Variants in NBAS observed in about 807,000 individuals in gnomAD.
NBAS encodes the protein NBAS subunit of NRZ tethering complex.
In NBAS, 219 loss-of-function variants were observed where a neutral mutation model predicts 302.5. That is an observed-to-expected ratio of 0.72 (90% CI 0.65 to 0.81). NBAS has a LOEUF of 0.81. Among genes scored for constraint, NBAS ranks in the 30% least tolerant of loss-of-function variants. NBAS has a pLI of 0.00. For missense variants in NBAS, 2,932 were observed against 2,841.6 expected, an observed-to-expected ratio of 1.03 and a Z score of -0.72; for synonymous variants, 1,118 against 1,021.6, an observed-to-expected ratio of 1.09 and a Z score of -1.80.
At chr2:15,363,694 G>GT (rs1198219944) in intron 32 of NBAS, among the ~76,000 whole-genome samples, 2 of 152,124 alleles carry the variant, frequency 1.3e-5, no homozygotes, top group Admixed American at 6.5e-5. Context: ...CATAAAATGA[G>GT]TATTATTATT....
intron 41 of NBAS, among the ~76,000 whole-genome samples, chr2:15,288,993 C>T (rs1412160493): frequency 1.3e-5 from 2 of 152,192 alleles, no homozygotes; most frequent in African/African-American, 2.4e-5. Flanking sequence ...ATTCTTTGTT[C>T]ATGGGCTATA....
the NBAS span, among the ~76,000 whole-genome samples, chr2:14,984,631 C>A: frequency 6.6e-6 from 1 of 152,120 alleles, no homozygotes; most frequent in African/African-American, 2.4e-5. Flanking sequence ...ATTTCTAGCC[C>A]AGCACTAATT....
chr2:14,788,374 TC>T, the NBAS span, among the ~76,000 whole-genome samples: 1 of 152,216 alleles, frequency 6.6e-6, no homozygotes, highest in African/African-American at 2.4e-5. Flanking sequence ...GGAACTGCAT[TC>T]CTTTGGAGGA....
At chr2:15,552,998 T>C (rs1304273380) in intron 5 of NBAS, among the ~76,000 whole-genome samples, 1 of 151,982 alleles carries the variant, frequency 6.6e-6, no homozygotes, top group Non-Finnish European at 1.5e-5. Flanking sequence ...AGAGACGGGG[T>C]TTCACCACGT....
the NBAS span, among the ~76,000 whole-genome samples, chr2:15,146,450 C>A: frequency 6.6e-6 from 1 of 152,010 alleles, no homozygotes. Context: ...CTGATAAAGG[C>A]AATTTTAAAA....
chr2:15,325,906 C>T (rs992281764), intron 38 of NBAS, among the ~76,000 whole-genome samples: 1 of 152,144 alleles, frequency 6.6e-6, no homozygotes, highest in Non-Finnish European at 1.5e-5. Flanking sequence ...CTTCCTTTCA[C>T]TTGAATATTT....
chr2:15,002,707 A>C, the NBAS span, among the ~76,000 whole-genome samples: 1 of 152,206 alleles, frequency 6.6e-6, no homozygotes, highest in African/African-American at 2.4e-5. Flanking sequence ...GCCCGGCCAG[A>C]AATCGAGCAC....
intron 3 of NBAS, 36 bp downstream of exon 3, chr2:15,556,746 AT>A (rs764057898): frequency 6.6e-7 from 1 of 1,518,530 alleles, no homozygotes; most frequent in Non-Finnish European, 9.1e-7. Flanking sequence ...TTTATATTTG[AT>A]GTTCATACTG....
intron 7 of NBAS, chr2:15,538,508 G>A (rs537496243): frequency 3.7e-5 from 9 of 246,512 alleles, no homozygotes; most frequent in East Asian, 1.7e-4. Context: ...TGTGAGTAGC[G>A]CCTGGGCAAT....
chr2:14,846,033 T>C, the NBAS span, among the ~76,000 whole-genome samples: 2 of 152,164 alleles, frequency 1.3e-5, no homozygotes, highest in Non-Finnish European at 2.9e-5. Context: ...TAGAGAAAGA[T>C]ATCAATATCC....
At chr2:15,089,806 T>C in the NBAS span, among the ~76,000 whole-genome samples, 2 of 135,710 alleles carry the variant, frequency 1.5e-5, no homozygotes, top group Admixed American at 8.6e-5. Context: ...TGGAGTGCAG[T>C]GGCACAATCT....
intron 26 of NBAS, among the ~76,000 whole-genome samples, chr2:15,400,078 A>T (rs138095112): frequency 1.3e-5 from 2 of 152,328 alleles, no homozygotes; most frequent in East Asian, 3.9e-4. Context: ...AAAAGTGAAG[A>T]AAGAAGAAAG....
At chr2:14,833,518 A>G in the NBAS span, among the ~76,000 whole-genome samples, 1 of 152,168 alleles carries the variant, frequency 6.6e-6, no homozygotes, top group Non-Finnish European at 1.5e-5. Context: ...AGCCTGGTAC[A>G]TACGTGATCA....
At chr2:15,333,831 C>G (rs1486982619) in intron 35 of NBAS, among the ~76,000 whole-genome samples, 2 of 125,938 alleles carry the variant, frequency 1.6e-5, no homozygotes, top group Non-Finnish European at 3.2e-5. Context: ...AGGTTAGATA[C>G]AGTGGAGGTA....
the NBAS span, among the ~76,000 whole-genome samples, chr2:14,789,131 T>C: frequency 6.6e-6 from 1 of 152,240 alleles, no homozygotes; most frequent in African/African-American, 2.4e-5. Context: ...TAGGACCCTC[T>C]GAGCCATGTG....
chr2:15,143,616 G>A, the NBAS span, among the ~76,000 whole-genome samples: 1 of 152,154 alleles, frequency 6.6e-6, no homozygotes, highest in Non-Finnish European at 1.5e-5. Context: ...AGGTTTGCAA[G>A]TGGTGGTTAC....
chr2:14,792,055 G>C, the NBAS span, among the ~76,000 whole-genome samples: 1 of 151,976 alleles, frequency 6.6e-6, no homozygotes, highest in Non-Finnish European at 1.5e-5. Flanking sequence ...ATACCTGTTG[G>C]CCTGGCCTGG....
At chr2:14,783,073 T>C in the NBAS span, among the ~76,000 whole-genome samples, 1 of 152,084 alleles carries the variant, frequency 6.6e-6, no homozygotes, top group Non-Finnish European at 1.5e-5. Flanking sequence ...AGTTTACCTA[T>C]ATAACAAACC....
At chr2:15,339,538 T>A (rs1672751933) in intron 35 of NBAS, among the ~76,000 whole-genome samples, 1 of 152,226 alleles carries the variant, frequency 6.6e-6, no homozygotes, top group Non-Finnish European at 1.5e-5. Context: ...TGACAGGCAT[T>A]GTTGTAAATT....
Sources: allele counts gnomAD v4.1 joint callset (sites outside exome capture counted in the v4.1 genomes callset), GRCh38; gene constraint gnomAD v4.1.1; transcripts MANE v1.5; gene names NCBI Gene and HGNC (gene_info 2026-07-23, HGNC 2026-07-21).